The following STAC variants were observed in gnomAD, a reference collection of about 807,000 sequenced individuals.
STAC encodes the protein SH3 and cysteine-rich domain-containing protein.
Under a neutral mutation model 48.8 loss-of-function variants are expected in STAC, and 43 were observed. The observed-to-expected ratio is 0.88, with a 90% CI of 0.69 to 1.14. The LOEUF is 1.14. Ranked by LOEUF, STAC falls within the 50% of genes most tolerant of loss-of-function variation. The probability of loss-of-function intolerance (pLI) is 0.00; values close to 1 mark genes in which losing one functional copy is unlikely to be tolerated. For missense variants in STAC, 497 were observed against 504.0 expected (o/e 0.99, Z 0.13); for synonymous variants, 193 against 179.5 (o/e 1.07, Z -0.60).
chr3:36,459,335 G>A (rs968260400), intron 2 of STAC: 1 of 152,144 alleles, frequency 6.6e-6, no homozygotes, highest in Non-Finnish European at 1.5e-5. Flanking sequence ...TACCTCAGGA[G>A]GAAGAGGTCA....
intron 2 of STAC, among the ~76,000 whole-genome samples, chr3:36,460,852 T>A (rs1452874568): frequency 1.3e-5 from 2 of 152,208 alleles, no homozygotes; most frequent in Non-Finnish European, 2.9e-5. Context: ...CATAGATGTA[T>A]AAAACACAAT....
At chr3:36,530,593 C>CTT (rs577222686) in intron 10 of STAC, among the ~76,000 whole-genome samples, 7 of 72,020 alleles carry the variant, frequency 9.7e-5, no homozygotes, top group Non-Finnish European at 1.7e-4. Flanking sequence ...TTTTTTTTTT[C>CTT]TTTTTTTTTT....
intron 2 of STAC, among the ~76,000 whole-genome samples, chr3:36,476,572 C>A (rs7646747): frequency 1.4e-4 from 22 of 152,112 alleles, no homozygotes; most frequent in Non-Finnish European, 2.1e-4. Flanking sequence ...ATGGTGGAGA[C>A]CTGCTTCAGT....
intron 10 of STAC, among the ~76,000 whole-genome samples, chr3:36,543,248 T>G (rs1374069237): frequency 6.6e-6 from 1 of 152,192 alleles, no homozygotes; most frequent in Admixed American, 6.5e-5. Context: ...TGGAAATGTT[T>G]CAGGCTCTGC....
chr3:36,448,647 C>G lies in STAC; in HGVS notation c.388+5007C>G, dbSNP rs1696587566. 3.9e-5 allele frequency among the ~76,000 whole-genome samples: 6 copies of G among 152,148 alleles called. 1 individual carries two copies. The highest frequency in any genetic ancestry group is 3.9e-4 in the Admixed American group (6 of 15,274). ...TTTGGCCTGGAAAAGACTTTGAAAA[C>G]TGTTATCTTCAAATAGTTGAAAAGA... On this transcript the variant is annotated intron_variant, in intron 2 of 10. Coordinates refer to ENST00000273183, the MANE Select transcript of STAC (RefSeq NM_003149.3).
chr3:36,473,757 A>G (rs561254196), intron 2 of STAC, among the ~76,000 whole-genome samples: 1 of 152,176 alleles, frequency 6.6e-6, no homozygotes, highest in Non-Finnish European at 1.5e-5. Flanking sequence ...AATTGGTAAA[A>G]CTGTTATCCT....
intron 6 of STAC, 27 bp downstream of exon 6, chr3:36,493,256 A>G (rs1375452319): frequency 6.2e-7 from 1 of 1,609,768 alleles, no homozygotes; most frequent in Non-Finnish European, 8.5e-7. Context: ...GCACAGCACA[A>G]ATGTGATCAC....
At chr3:36,448,395 T>G (rs1047813539) in intron 2 of STAC, among the ~76,000 whole-genome samples, 1 of 152,022 alleles carries the variant, frequency 6.6e-6, no homozygotes, top group African/African-American at 2.4e-5. Flanking sequence ...CTAATTTTTG[T>G]ATTTTTAGTA....
At chr3:36,438,521 C>T (rs1418147220) in intron 1 of STAC, among the ~76,000 whole-genome samples, 1 of 152,178 alleles carries the variant, frequency 6.6e-6, no homozygotes, top group Non-Finnish European at 1.5e-5. Context: ...TTAGAGAAAG[C>T]ATGTTCCTTT....
chr3:36,492,757 CTAAAACTAATATT>C (rs1476831166), intron 5 of STAC, among the ~76,000 whole-genome samples: 1 of 152,210 alleles, frequency 6.6e-6, no homozygotes, highest in African/African-American at 2.4e-5. Flanking sequence ...ATCCCATTCT[CTAAAACTAATATT>C]TAAAACACCT....
chr3:36,460,454 A>T (rs952761574), intron 2 of STAC, among the ~76,000 whole-genome samples: 3 of 152,132 alleles, frequency 2.0e-5, no homozygotes, highest in Non-Finnish European at 4.4e-5. Context: ...ACACAAAAAA[A>T]TTTATTATAT....
At chr3:36,495,732 C>G (rs148351487) in intron 6 of STAC, among the ~76,000 whole-genome samples, 286 of 152,348 alleles carry the variant, frequency 1.9e-3, no homozygotes, top group African/African-American at 6.5e-3. Context: ...CTATATTTAG[C>G]AATCATTGCT....
At chr3:36,399,961 G>A (rs1361500465) in intron 1 of STAC, among the ~76,000 whole-genome samples, 1 of 152,140 alleles carries the variant, frequency 6.6e-6, no homozygotes, top group Non-Finnish European at 1.5e-5. Flanking sequence ...AAACACTGAA[G>A]GAAATTAATA....
At chr3:36,403,155 G>T (rs1048044136) in intron 1 of STAC, among the ~76,000 whole-genome samples, 1 of 151,988 alleles carries the variant, frequency 6.6e-6, no homozygotes, top group Non-Finnish European at 1.5e-5. Context: ...TGAATTTTTT[G>T]GAAAAATCAG....
At chr3:36,464,996 G>A (rs563864550) in intron 2 of STAC, among the ~76,000 whole-genome samples, 8 of 152,092 alleles carry the variant, frequency 5.3e-5, no homozygotes, top group Admixed American at 3.3e-4. Context: ...TGGGATTGCT[G>A]AATCAAGCAG....
intron 6 of STAC, among the ~76,000 whole-genome samples, chr3:36,494,599 T>C (rs1201305940): frequency 6.6e-6 from 1 of 152,210 alleles, no homozygotes; most frequent in East Asian, 1.9e-4. Flanking sequence ...TGTGCTCAGC[T>C]GCCCCAGGAT....
At chr3:36,454,269 C>T (rs184852090) in intron 2 of STAC, among the ~76,000 whole-genome samples, 75 of 152,282 alleles carry the variant, frequency 4.9e-4, no homozygotes, top group African/African-American at 1.7e-3. Flanking sequence ...AGGTCTGCAG[C>T]TTCTCTCTTG....
chr3:36,417,694 G>A (rs1415415060), intron 1 of STAC, among the ~76,000 whole-genome samples: 5 of 152,088 alleles, frequency 3.3e-5, no homozygotes, highest in Admixed American at 6.6e-5. Context: ...TCTCTTCACC[G>A]GGTTCCAGCA....
chr3:36,519,064 A>G (rs1698739944), intron 8 of STAC, among the ~76,000 whole-genome samples: 1 of 152,156 alleles, frequency 6.6e-6, no homozygotes, highest in Admixed American at 6.6e-5. Flanking sequence ...GGTGGCTGGG[A>G]AGCCTTGTTA....
Sources: gnomAD v4.1 joint callset for allele counts (sites outside exome capture counted in the v4.1 genomes callset) on GRCh38, gnomAD v4.1.1 for gene constraint, MANE v1.5 for transcripts, NCBI Gene and HGNC (gene_info 2026-07-23, HGNC 2026-07-21) for gene names.